The following ANGPT1 variants were observed in gnomAD, a reference collection of about 807,000 sequenced individuals.
The protein encoded by ANGPT1 is angiopoietin-1.
A neutral mutation model predicts 62.2 loss-of-function variants in ANGPT1; 17 were observed. The observed-to-expected ratio is 0.27, with a 90% CI of 0.19 to 0.41. The LOEUF (loss-of-function observed/expected upper bound fraction) is 0.41. ANGPT1 is among the 10% of genes least tolerant of loss of function. The pLI is 1.00. For synonymous variants in ANGPT1, 199 were observed against 198.9 expected (o/e 1.00, Z 0.00); for missense variants, 478 against 594.9 (o/e 0.80, Z 2.04).
chr8:107,263,476 G>C (rs1204821108), intron 8 of ANGPT1, among the ~76,000 whole-genome samples: 1 of 151,814 alleles, frequency 6.6e-6, no homozygotes, highest in Non-Finnish European at 1.5e-5. Context: ...CTATGGATAA[G>C]GGTTTTTTGT....
chr8:107,270,388 C>A (rs1235656547), intron 7 of ANGPT1, among the ~76,000 whole-genome samples: 1 of 152,030 alleles, frequency 6.6e-6, no homozygotes, highest in Non-Finnish European at 1.5e-5. Flanking sequence ...TCCCTGCCAC[C>A]ATATGGAACT....
chr8:107,462,090 C>T (rs371573654), intron 1 of ANGPT1, among the ~76,000 whole-genome samples: 48 of 151,926 alleles, frequency 3.2e-4, no homozygotes, highest in East Asian at 3.1e-3. Flanking sequence ...TTCATTTTCT[C>T]GGAAGTTAGA....
At chr8:107,466,701 C>G (rs1290370708) in intron 1 of ANGPT1, among the ~76,000 whole-genome samples, 1 of 152,018 alleles carries the variant, frequency 6.6e-6, no homozygotes, top group Non-Finnish European at 1.5e-5. Flanking sequence ...CACCTGAGGT[C>G]AGGAGTTTGA....
chr8:107,372,681 G>C (rs944942147), intron 1 of ANGPT1, among the ~76,000 whole-genome samples: 1 of 151,888 alleles, frequency 6.6e-6, no homozygotes, highest in African/African-American at 2.4e-5. Context: ...TCACAGAAAT[G>C]CAGTGACACA....
chr8:107,409,596 C>T (rs1272201977), intron 1 of ANGPT1, among the ~76,000 whole-genome samples: 1 of 152,126 alleles, frequency 6.6e-6, no homozygotes, highest in Non-Finnish European at 1.5e-5. Flanking sequence ...TTTCTTACTG[C>T]TCTACTTTTA....
intron 7 of ANGPT1, among the ~76,000 whole-genome samples, chr8:107,267,977 T>A (rs1342401253): frequency 6.6e-6 from 1 of 152,110 alleles, no homozygotes; most frequent in Non-Finnish European, 1.5e-5. Context: ...TAAGATTTGT[T>A]CCAAGTATAA....
At chr8:107,360,309 A>AGCAGCCCTTTGAAATAGGTAT (rs1256963412) in intron 1 of ANGPT1, among the ~76,000 whole-genome samples, 6 of 152,176 alleles carry the variant, frequency 3.9e-5, no homozygotes, top group African/African-American at 1.4e-4. Context: ...TATTTCTCAC[A>AGCAGCCCTTTGAAATAGGTAT]GCAGCCCTTT....
chr8:107,443,531 G>A (rs144403856), intron 1 of ANGPT1, among the ~76,000 whole-genome samples: 64 of 152,062 alleles, frequency 4.2e-4, no homozygotes, highest in Middle Eastern at 3.4e-3. Flanking sequence ...TATACCGGCC[G>A]GGTGCGGTGG....
intron 1 of ANGPT1, among the ~76,000 whole-genome samples, chr8:107,463,691 G>A (rs1178225744): frequency 6.6e-6 from 1 of 151,952 alleles, no homozygotes; most frequent in Non-Finnish European, 1.5e-5. Context: ...AAGATAATGT[G>A]ATTATATATA....
At chr8:107,258,896 ATAATTTG>A (rs1221785929) in intron 8 of ANGPT1, among the ~76,000 whole-genome samples, 1 of 152,190 alleles carries the variant, frequency 6.6e-6, no homozygotes, top group Non-Finnish European at 1.5e-5. Context: ...TTTCACCAGA[ATAATTTG>A]TAATTTTGCA....
intron 1 of ANGPT1, among the ~76,000 whole-genome samples, chr8:107,491,396 A>G (rs1197830374): frequency 6.6e-6 from 1 of 152,192 alleles, no homozygotes; most frequent in Non-Finnish European, 1.5e-5. Flanking sequence ...GACAGACAAT[A>G]AGTAACACAG....
intron 5 of ANGPT1, among the ~76,000 whole-genome samples, chr8:107,301,455 T>C (rs1160589072): frequency 6.6e-6 from 1 of 151,412 alleles, no homozygotes; most frequent in Non-Finnish European, 1.5e-5. Context: ...GTTTATGATG[T>C]GTGTGTGTGT....
intron 1 of ANGPT1, among the ~76,000 whole-genome samples, chr8:107,383,451 GTTC>G (rs1358231377): frequency 1.3e-5 from 2 of 152,156 alleles, no homozygotes; most frequent in South Asian, 2.1e-4. Context: ...AACAGGACTT[GTTC>G]TTCTTGCACC....
At chr8:107,370,475 G>T (rs1182182485) in intron 1 of ANGPT1, among the ~76,000 whole-genome samples, 1 of 151,474 alleles carries the variant, frequency 6.6e-6, no homozygotes, top group Non-Finnish European at 1.5e-5. Context: ...CAGATCATGA[G>T]GTCAGGAGTT....
At chr8:107,312,225 G>T (rs183519280) in intron 4 of ANGPT1, among the ~76,000 whole-genome samples, 1 of 152,130 alleles carries the variant, frequency 6.6e-6, no homozygotes, top group South Asian at 2.1e-4. Flanking sequence ...AATGCTGCAC[G>T]GCCCTTGCCA....
chr8:107,327,297 G>A (rs1258339395), intron 3 of ANGPT1, among the ~76,000 whole-genome samples: 1 of 151,820 alleles, frequency 6.6e-6, no homozygotes, highest in East Asian at 1.9e-4. Context: ...CGTTATCCAG[G>A]TCCGTTGGGA....
chr8:107,412,518 A>C (rs185918733), intron 1 of ANGPT1, among the ~76,000 whole-genome samples: 9 of 152,326 alleles, frequency 5.9e-5, no homozygotes, highest in South Asian at 2.1e-4. Flanking sequence ...ACATATATAC[A>C]TTGAACATAT....
At chr8:107,489,948 A>G (rs376161603) in intron 1 of ANGPT1, among the ~76,000 whole-genome samples, 50 of 152,162 alleles carry the variant, frequency 3.3e-4, no homozygotes, top group African/African-American at 8.9e-4. Context: ...AAAAAAAAAA[A>G]AAGAAGAAAA....
chr8:107,458,126 C>T (rs1382196593), intron 1 of ANGPT1, among the ~76,000 whole-genome samples: 2 of 152,228 alleles, frequency 1.3e-5, no homozygotes, highest in Admixed American at 1.3e-4. Context: ...CCAGTATGTA[C>T]TGATAAACAA....
Sources: gnomAD v4.1 joint callset for allele counts (sites outside exome capture counted in the v4.1 genomes callset) on GRCh38, gnomAD v4.1.1 for gene constraint, MANE v1.5 for transcripts, NCBI Gene and HGNC (gene_info 2026-07-23, HGNC 2026-07-21) for gene names.